Variants in XKR6 observed in about 807,000 individuals in gnomAD.
XKR6 encodes the protein XK related 6.
In XKR6, 22 loss-of-function variants were observed where a neutral mutation model predicts 56.7. That is an observed-to-expected ratio of 0.39 (90% CI 0.28 to 0.55). The LOEUF is 0.55. Ranked by LOEUF, XKR6 falls within the 20% of genes least tolerant of loss-of-function variation. The probability of loss-of-function intolerance (pLI) is 0.66; values close to 1 mark genes in which losing one functional copy is unlikely to be tolerated. For synonymous variants in XKR6, 524 were observed against 387.8 expected (o/e 1.35, Z -4.13); for missense variants, 852 against 889.0 (o/e 0.96, Z 0.53).
chr8:11,180,806 C>G (rs1347491786), intron 1 of XKR6, among the ~76,000 whole-genome samples: 2 of 152,158 alleles, frequency 1.3e-5, no homozygotes, highest in African/African-American at 2.4e-5. Flanking sequence ...TCTCGGGAGG[C>G]TGAGGCAGGA....
At chr8:11,169,152 C>A (rs1183675479) in intron 1 of XKR6, among the ~76,000 whole-genome samples, 1 of 152,156 alleles carries the variant, frequency 6.6e-6, no homozygotes, top group African/African-American at 2.4e-5. Flanking sequence ...ATAAAAACCC[C>A]AAATCTAGCC....
At chr8:10,913,120 GT>G (rs1800458096) in intron 2 of XKR6, among the ~76,000 whole-genome samples, 1 of 151,556 alleles carries the variant, frequency 6.6e-6, no homozygotes, top group African/African-American at 2.4e-5. Flanking sequence ...TATAGAGGGT[GT>G]GTATGTATGT....
intron 1 of XKR6, among the ~76,000 whole-genome samples, chr8:11,152,536 T>C (rs2116980277): frequency 6.6e-6 from 1 of 152,340 alleles, no homozygotes; most frequent in Non-Finnish European, 1.5e-5. Context: ...AATCTGTTCC[T>C]ATCAGGATGA....
intron 1 of XKR6, among the ~76,000 whole-genome samples, chr8:11,185,791 C>T (rs1803243742): frequency 6.6e-6 from 1 of 152,132 alleles, no homozygotes; most frequent in Non-Finnish European, 1.5e-5. Context: ...ATTTTTACCT[C>T]AATGAAATAT....
At chr8:10,911,488 TAG>T (rs1344261984) in intron 2 of XKR6, among the ~76,000 whole-genome samples, 44 of 146,750 alleles carry the variant, frequency 3.0e-4, no homozygotes, top group South Asian at 6.5e-4. Context: ...TATATATATA[TAG>T]AGAGAGAGGG....
intron 1 of XKR6, among the ~76,000 whole-genome samples, chr8:11,092,015 T>C (rs376300683): frequency 6.6e-6 from 1 of 152,202 alleles, no homozygotes; most frequent in East Asian, 1.9e-4. Context: ...AGAAAAGTAA[T>C]CAAGTGTAAC....
rs530227150 is a variant in XKR6, at chr8:11,174,095, C to A, written c.764+26481G>T. Reference sequence around the variant, plus strand: ...AAACCACCACTGATCAGGTCCAACTCGATTAATTTCTATTAATTCTATTAA... The same window carrying A: ...AAACCACCACTGATCAGGTCCAACTAGATTAATTTCTATTAATTCTATTAA... On this transcript the variant is annotated intron_variant, in intron 1 of 2. Coordinates refer to ENST00000416569, the MANE Select transcript of XKR6 (RefSeq NM_173683.4). Among the ~76,000 whole-genome samples the A allele has an allele frequency of 1.4e-4, 21 of 152,312 alleles. No homozygotes were observed. In the South Asian group the frequency reaches 3.5e-3, roughly 26 times the overall value.
rs545977418 is a variant in XKR6 at position 11,040,191 on chromosome 8, C to G, written c.765-115361G>C. Among the ~76,000 whole-genome samples, 323 of 152,110 alleles carry G rather than the reference C, an allele frequency of 2.1e-3. 1 individual carries two copies. Among genetic ancestry groups the G allele is most frequent in the African/African-American group, 5.4e-3 (223 of 41,482 alleles). Reference sequence around the variant, plus strand: ...CACGATGCCCTACTTTCCACTCCTGCAGGAACAGGACCCTTCCTGCCCAAG... The same window carrying G: ...CACGATGCCCTACTTTCCACTCCTGGAGGAACAGGACCCTTCCTGCCCAAG... On this transcript the variant is annotated intron_variant, in intron 1 of 2. Transcript: ENST00000416569.
chr8:11,196,423 C>A (rs959242457), intron 1 of XKR6, among the ~76,000 whole-genome samples: 2 of 150,960 alleles, frequency 1.3e-5, no homozygotes, highest in Non-Finnish European at 2.9e-5. Context: ...GCAAACAAAA[C>A]AAAACAAAAC....
intron 1 of XKR6, among the ~76,000 whole-genome samples, chr8:11,196,923 T>C (rs1196390715): frequency 1.3e-5 from 2 of 152,134 alleles, no homozygotes; most frequent in African/African-American, 2.4e-5. Context: ...AGGGGAGTGA[T>C]TAAAAAAATA....
At chr8:10,951,582 C>T (rs900276887) in intron 1 of XKR6, among the ~76,000 whole-genome samples, 6 of 152,324 alleles carry the variant, frequency 3.9e-5, no homozygotes, top group African/African-American at 1.2e-4. Context: ...TGCACTTCCC[C>T]GGACTTCAGG....
At chr8:11,151,833 A>G (rs1801284766) in intron 1 of XKR6, among the ~76,000 whole-genome samples, 1 of 152,134 alleles carries the variant, frequency 6.6e-6, no homozygotes, top group Non-Finnish European at 1.5e-5. Context: ...CCCATCAGCA[A>G]GGGGAAGAAC....
At chr8:11,066,705 T>G (rs1799987929) in intron 1 of XKR6, 1 of 152,206 alleles carries the variant, frequency 6.6e-6, no homozygotes, top group African/African-American at 2.4e-5. Flanking sequence ...CACTGTTCTT[T>G]GAGGCATTAC....
Position 11,039,047 on chromosome 8 carries a change from C to T in XKR6, c.765-114217G>A, listed in dbSNP as rs1403519721. 2.0e-5 allele frequency among the ~76,000 whole-genome samples: 3 copies of T among 151,534 alleles called. No homozygotes were observed. The East Asian group carries it at 5.8e-4, about 29-fold the overall frequency. ...CCTGCCACTCAGAGCTTATGGTCCC[C>T]AGAGAGTGGCGCAGGCCCAGTGAGA... On this transcript the variant is annotated intron_variant, in intron 1 of 2. Transcript: ENST00000416569.
chr8:11,176,016 C>T (rs10109167), intron 1 of XKR6, among the ~76,000 whole-genome samples: 66,209 of 151,678 alleles, frequency 0.44, 15,324 homozygotes, highest in Middle Eastern at 0.52. Flanking sequence ...ATGTGATCAG[C>T]TGCAATATAC....
chr8:11,150,935 CCATAAT>C (rs1801240168), intron 1 of XKR6, among the ~76,000 whole-genome samples: 2 of 151,498 alleles, frequency 1.3e-5, no homozygotes, highest in African/African-American at 2.4e-5. Context: ...TCTCCTCAAA[CCATAAT>C]AAAGATGTGT....
At chr8:11,195,660 T>G (rs953097107) in intron 1 of XKR6, among the ~76,000 whole-genome samples, 2 of 151,834 alleles carry the variant, frequency 1.3e-5, no homozygotes, top group Admixed American at 1.3e-4. Flanking sequence ...TTCTTTTTTT[T>G]TTTTTTGAGA....
intron 1 of XKR6, among the ~76,000 whole-genome samples, chr8:11,154,260 A>G (rs543045746): frequency 6.6e-6 from 1 of 152,314 alleles, no homozygotes; most frequent in Non-Finnish European, 1.5e-5. Context: ...TTTGTGGGCA[A>G]TCAATCAATC....
At chr8:10,977,464 C>G (rs1802600475) in intron 1 of XKR6, among the ~76,000 whole-genome samples, 1 of 151,570 alleles carries the variant, frequency 6.6e-6, no homozygotes, top group African/African-American at 2.4e-5. Flanking sequence ...CAGTAAGTCC[C>G]CCGCCACTGG....
Sources: gnomAD v4.1 joint callset for allele counts (sites outside exome capture counted in the v4.1 genomes callset) on GRCh38, gnomAD v4.1.1 for gene constraint, MANE v1.5 for transcripts, NCBI Gene and HGNC (gene_info 2026-07-23, HGNC 2026-07-21) for gene names.